Variants in THSD7A observed in about 807,000 individuals in gnomAD.
The protein encoded by THSD7A is thrombospondin type 1 domain containing 7A, also known as thrombospondin type-1 domain-containing protein 7A.
THSD7A carries 96 observed loss-of-function variants against 231.3 expected under a neutral mutation model. The ratio of observed to expected loss-of-function variants is 0.41; its 90% CI spans 0.35 to 0.49. The LOEUF is 0.49. Ranked by LOEUF, THSD7A falls within the 20% of genes least tolerant of loss-of-function variation. THSD7A has a pLI of 0.05. For missense variants in THSD7A, 2,290 were observed against 2,070.2 expected (o/e 1.11, Z -2.06); for synonymous variants, 940 against 743.3 (o/e 1.26, Z -4.30).
At chr7:11,485,054 C>T (rs1786598362) in intron 6 of THSD7A, among the ~76,000 whole-genome samples, 1 of 151,274 alleles carries the variant, frequency 6.6e-6, no homozygotes, top group Admixed American at 6.6e-5. Flanking sequence ...CCATGCCCGG[C>T]TCATTTTTGT....
chr7:11,497,505 A>G (rs1006467376), intron 6 of THSD7A, among the ~76,000 whole-genome samples: 3 of 152,194 alleles, frequency 2.0e-5, no homozygotes, highest in African/African-American at 7.2e-5. Context: ...AACAAAGCCA[A>G]TTACCAATCC....
intron 2 of THSD7A, among the ~76,000 whole-genome samples, chr7:11,631,306 T>C (rs1165135330): frequency 6.6e-6 from 1 of 152,178 alleles, no homozygotes; most frequent in Non-Finnish European, 1.5e-5. Context: ...TTTTAAACTG[T>C]AGATTATTTC....
chr7:11,755,809 C>G (rs1207859679), intron 1 of THSD7A, among the ~76,000 whole-genome samples: 1 of 151,974 alleles, frequency 6.6e-6, no homozygotes, highest in Non-Finnish European at 1.5e-5. Context: ...CAAAGAAATA[C>G]TGCTTAGAAA....
In THSD7A at chr7:11,474,460, T is replaced by A. The variant is rs1237343671; in HGVS notation, c.2126A>T (p.Glu709Val). ...GTTGAAGGACGATACTGAGGTGTCC[T>A]CAATGCACTGGCCCCAGGGACCAGT... ...WQTGPWGQCIEDTSVSSFNTT... is the reference protein window; with the variant it reads ...WQTGPWGQCIVDTSVSSFNTT... Residue 709 changes from glutamate (E) to valine (V), a missense_variant, in exon 8 of 28, where the codon GAG becomes GTG. Physicochemically the swap from Glu to Val is moderately radical, Grantham distance 121. Transcript: ENST00000423059. The surrounding 1 kb of genome is among the most constrained non-coding windows in gnomAD (Gnocchi z 4.1). 1 of 1,613,624 alleles carries A rather than the reference T, an allele frequency of 6.2e-7. No homozygotes were observed.
intron 11 of THSD7A, among the ~76,000 whole-genome samples, chr7:11,453,433 A>G (rs1785206743): frequency 6.6e-6 from 1 of 151,622 alleles, no homozygotes; most frequent in African/African-American, 2.4e-5. Flanking sequence ...AAGGTATATT[A>G]TTGAAGTATT....
chr7:11,435,358 T>G (rs145400528), intron 13 of THSD7A, among the ~76,000 whole-genome samples: 14 of 152,232 alleles, frequency 9.2e-5, no homozygotes, highest in Non-Finnish European at 1.9e-4. Context: ...AGACTACTTA[T>G]GATTTTATGC....
intron 23 of THSD7A, among the ~76,000 whole-genome samples, chr7:11,399,456 T>C (rs1783315561): frequency 8.4e-6 from 1 of 118,946 alleles, no homozygotes. Flanking sequence ...ATTGGTTTTG[T>C]TGATTATTTT....
intron 1 of THSD7A, among the ~76,000 whole-genome samples, chr7:11,656,031 C>G (rs1397815695): frequency 2.0e-5 from 3 of 151,870 alleles, no homozygotes; most frequent in African/African-American, 7.2e-5. Context: ...GCAGCCTTCA[C>G]TGATACAGGT....
intron 1 of THSD7A, among the ~76,000 whole-genome samples, chr7:11,736,525 A>G (rs1418793392): frequency 7.1e-6 from 1 of 140,796 alleles, no homozygotes; most frequent in Admixed American, 6.8e-5. Flanking sequence ...CATGTTAAAT[A>G]TAGAACTCAA....
At chr7:11,436,184 G>A (rs1245376912) in intron 13 of THSD7A, among the ~76,000 whole-genome samples, 1 of 152,002 alleles carries the variant, frequency 6.6e-6, no homozygotes, top group African/African-American at 2.4e-5. Context: ...ATAGGGCTTT[G>A]TCAGGAATAC....
chr7:11,515,502 ACAAT>A (rs1026501256), intron 6 of THSD7A, among the ~76,000 whole-genome samples: 28 of 152,144 alleles, frequency 1.8e-4, no homozygotes, highest in African/African-American at 6.8e-4. Flanking sequence ...CACAATATCA[ACAAT>A]TAATTATGAT....
At chr7:11,540,797 G>T (rs143752681) in intron 6 of THSD7A, among the ~76,000 whole-genome samples, 1 of 152,306 alleles carries the variant, frequency 6.6e-6, no homozygotes, top group Admixed American at 6.5e-5. Context: ...AGTTGTAAAA[G>T]TCCAAGGTAA....
chr7:11,556,401 A>C (rs1320730521), intron 4 of THSD7A, among the ~76,000 whole-genome samples: 1 of 151,486 alleles, frequency 6.6e-6, no homozygotes, highest in East Asian at 1.9e-4. Context: ...TAGAAATCTT[A>C]CCCTCCCTCA....
chr7:11,643,752 C>A (rs1635183), intron 1 of THSD7A, among the ~76,000 whole-genome samples: 1 of 151,830 alleles, frequency 6.6e-6, no homozygotes, highest in African/African-American at 2.4e-5. Context: ...TGTTCTATCG[C>A]TGGATGTTTA....
At chr7:11,430,624 C>G (rs1370253398) in intron 13 of THSD7A, among the ~76,000 whole-genome samples, 1 of 151,234 alleles carries the variant, frequency 6.6e-6, no homozygotes, top group Non-Finnish European at 1.5e-5. Flanking sequence ...CACCACCATG[C>G]CAGGCGAATT....
chr7:11,786,936 G>A (rs959474758), intron 1 of THSD7A, among the ~76,000 whole-genome samples: 5 of 151,466 alleles, frequency 3.3e-5, no homozygotes, highest in African/African-American at 1.2e-4. Context: ...CAAACTGGTG[G>A]CCCTTAGGCA....
rs2355065 is a variant in THSD7A, at chr7:11,706,493, G to T, written c.191-69532C>A. 6.3e-3 allele frequency among the ~76,000 whole-genome samples: 948 copies of T among 150,822 alleles called. 6 individuals carry two copies. Among genetic ancestry groups the T allele is most frequent in the African/African-American group, 0.022 (901 of 41,364 alleles). ...TACACAATCTACTTTTGTTCACAAG[G>T]CTAGTCTATTAAGGCAAGACACGTG... is the stretch of plus-strand genomic sequence containing the variant. On this transcript the variant is annotated intron_variant, in intron 1 of 27. Coordinates refer to ENST00000423059, the MANE Select transcript of THSD7A (RefSeq NM_015204.3).
chr7:11,590,303 A>G lies in THSD7A; in HGVS notation c.1453+157T>C, dbSNP rs542019694. Among the ~76,000 whole-genome samples the G allele has an allele frequency of 1.3e-5, 2 of 152,344 alleles. No homozygotes were observed. The highest frequency in any genetic ancestry group is 4.1e-4 in the South Asian group (2 of 4,830). On this transcript the variant is annotated intron_variant, in intron 4 of 27. Transcript: ENST00000423059. This position sits in a 1 kb window ranked among gnomAD's most constrained non-coding sequence, Gnocchi z 4.4. ...AATTGTGTTAAATATTTTCACAACCATAATGTGGATTACTGTTTACCATAG... is the reference window on the plus strand; with the variant it reads ...AATTGTGTTAAATATTTTCACAACCGTAATGTGGATTACTGTTTACCATAG...
intron 1 of THSD7A, among the ~76,000 whole-genome samples, chr7:11,675,567 A>G (rs1418445448): frequency 6.6e-6 from 1 of 152,184 alleles, no homozygotes; most frequent in Non-Finnish European, 1.5e-5. Flanking sequence ...GGGATGCTCC[A>G]GCTTGGTGGG....
Sources: allele counts gnomAD v4.1 joint callset (sites outside exome capture counted in the v4.1 genomes callset), GRCh38; gene constraint gnomAD v4.1.1; non-coding constraint Gnocchi (gnomAD v3.1); transcripts MANE v1.5; gene names NCBI Gene and HGNC (gene_info 2026-07-23, HGNC 2026-07-21).